GPHN: variants seen among roughly 807,000 people sequenced by gnomAD.
GPHN encodes the protein gephyrin.
A neutral mutation model predicts 95.5 loss-of-function variants in GPHN; 17 were observed. The ratio of observed to expected loss-of-function variants is 0.18; its 90% CI spans 0.12 to 0.27. The LOEUF is 0.27. GPHN is among the 10% of genes least tolerant of loss of function. The pLI, the probability that GPHN is intolerant of heterozygous loss-of-function variation, is 1.00. For missense variants in GPHN, 660 were observed against 978.1 expected (o/e 0.67, Z 4.34); for synonymous variants, 320 against 322.5 (o/e 0.99, Z 0.08).
At chr14:67,420,943 T>G in the GPHN span, among the ~76,000 whole-genome samples, 850 of 152,360 alleles carry the variant, frequency 5.6e-3, 6 homozygotes, top group African/African-American at 0.016. Flanking sequence ...GATCTGATTC[T>G]GTCAGGCCTG....
intron 1 of GPHN, among the ~76,000 whole-genome samples, chr14:66,584,644 A>G (rs1163194751): frequency 6.6e-6 from 1 of 152,154 alleles, no homozygotes; most frequent in Non-Finnish European, 1.5e-5. Flanking sequence ...TATTGAGATG[A>G]TCATGTGGTT....
chr14:66,890,504 GAAC>G (rs532760056), intron 5 of GPHN, among the ~76,000 whole-genome samples: 140 of 149,920 alleles, frequency 9.3e-4, no homozygotes, highest in African/African-American at 3.3e-3. Flanking sequence ...AGTATTTCAA[GAAC>G]AACTGACACT....
At chr14:67,249,698 C>T in the GPHN span, among the ~76,000 whole-genome samples, 1 of 152,174 alleles carries the variant, frequency 6.6e-6, no homozygotes, top group South Asian at 2.1e-4. Flanking sequence ...AGAAACTTCA[C>T]ACAAAAAGTT....
chr14:67,250,832 CTTAAAA>C, the GPHN span, among the ~76,000 whole-genome samples: 1 of 152,206 alleles, frequency 6.6e-6, no homozygotes, highest in Non-Finnish European at 1.5e-5. Context: ...TCCTTTTATA[CTTAAAA>C]TTTATAGCAA....
At chr14:67,367,800 C>T in the GPHN span, among the ~76,000 whole-genome samples, 12 of 151,466 alleles carry the variant, frequency 7.9e-5, no homozygotes, top group African/African-American at 2.9e-4. Context: ...TGCACCGCTG[C>T]ACTCCAACCT....
chr14:67,347,515 T>G, the GPHN span: 1 of 1,443,526 alleles, frequency 6.9e-7, no homozygotes, highest in South Asian at 1.2e-5. Context: ...TTTTTTTTTT[T>G]TCTGAGACGG....
chr14:66,801,946 C>A (rs79206866), intron 3 of GPHN, among the ~76,000 whole-genome samples: 3,582 of 152,210 alleles, frequency 0.024, 2 homozygotes, highest in Non-Finnish European at 0.035. Flanking sequence ...TTGCTCAAGT[C>A]CTGCTAGAAC....
rs2077918633 is a variant in GPHN, at chr14:67,104,378, G to GGA, written c.1293+3467_1293+3468insGA. 9.8e-5 allele frequency among the ~76,000 whole-genome samples: 15 copies of GGA among 152,302 alleles called. 1 individual carries two copies. The South Asian group carries it at 2.9e-3, about 29-fold the overall frequency. On this transcript the variant is annotated intron_variant, in intron 13 of 22. Coordinates refer to ENST00000478722, the MANE Select transcript of GPHN (RefSeq NM_020806.5). The stretch of plus-strand genomic sequence containing the variant: ...CAGAATAATGCTGACCTCATAGATT[G>GGA]AGTTTGGAAGAATTCCTTCCTCTTC...
At chr14:67,382,414 A>C in the GPHN span, 3 of 1,590,478 alleles carry the variant, frequency 1.9e-6, no homozygotes, top group African/African-American at 4.1e-5. Flanking sequence ...CTGTAGGTAC[A>C]TTCATAAATG....
chr14:66,544,772 T>G (rs898906367), intron 1 of GPHN, among the ~76,000 whole-genome samples: 1 of 151,816 alleles, frequency 6.6e-6, no homozygotes, highest in African/African-American at 2.4e-5. Flanking sequence ...TACTTGAGAT[T>G]AGGGAGTGGT....
At chr14:67,116,523 T>C (rs1249165215) in intron 16 of GPHN, among the ~76,000 whole-genome samples, 2 of 152,046 alleles carry the variant, frequency 1.3e-5, no homozygotes, top group African/African-American at 4.8e-5. Flanking sequence ...ATGAAAAATG[T>C]TTAAAAAATA....
chr14:66,904,208 C>G (rs1248616328), intron 5 of GPHN, among the ~76,000 whole-genome samples: 1 of 152,058 alleles, frequency 6.6e-6, no homozygotes, highest in African/African-American at 2.4e-5. Context: ...TGAGCAGCAG[C>G]AAGATTTATT....
chr14:67,044,166 G>A (rs564495645), intron 10 of GPHN, among the ~76,000 whole-genome samples: 10 of 151,918 alleles, frequency 6.6e-5, no homozygotes, highest in East Asian at 5.8e-4. Context: ...GTGAAACCCC[G>A]TCTCTACTAA....
chr14:66,599,348 A>G (rs1445342912), intron 1 of GPHN, among the ~76,000 whole-genome samples: 1 of 114,494 alleles, frequency 8.7e-6, no homozygotes, highest in Non-Finnish European at 1.7e-5. Flanking sequence ...TTTTTCTTTT[A>G]TTATCCTTTT....
At chr14:67,380,692 T>C in the GPHN span, 1 of 1,582,838 alleles carries the variant, frequency 6.3e-7, no homozygotes, top group South Asian at 1.2e-5. Context: ...TAGATTTGAA[T>C]GAAGATGAAC....
At chr14:67,572,594 C>A in the GPHN span, among the ~76,000 whole-genome samples, 679 of 147,016 alleles carry the variant, frequency 4.6e-3, 4 homozygotes, top group Middle Eastern at 0.01. Context: ...AATACTAACG[C>A]AAGCTAACAT....
chr14:66,510,439 C>T (rs1265702288), intron 1 of GPHN, among the ~76,000 whole-genome samples: 1 of 152,210 alleles, frequency 6.6e-6, no homozygotes. Flanking sequence ...AGTGACATAG[C>T]AGATAGGTGT....
At chr14:67,661,494 T>C in the GPHN span, among the ~76,000 whole-genome samples, 24 of 151,460 alleles carry the variant, frequency 1.6e-4, no homozygotes, top group Non-Finnish European at 3.1e-4. Flanking sequence ...TAAACTACAT[T>C]TTCTGTGACA....
chr14:67,042,545 G>A (rs1048532601), intron 10 of GPHN, among the ~76,000 whole-genome samples: 1 of 152,168 alleles, frequency 6.6e-6, no homozygotes, highest in Non-Finnish European at 1.5e-5. Context: ...TTGTAGATGT[G>A]TGGTGTTATT....
Sources: allele counts gnomAD v4.1 joint callset (sites outside exome capture counted in the v4.1 genomes callset), GRCh38; gene constraint gnomAD v4.1.1; transcripts MANE v1.5; gene names NCBI Gene and HGNC (gene_info 2026-07-23, HGNC 2026-07-21).